Variants in UHRF2 observed in about 807,000 individuals in gnomAD.
UHRF2 encodes the protein ubiquitin like with PHD and ring finger domains 2.
Under a neutral mutation model 96.8 loss-of-function variants are expected in UHRF2, and 23 were observed. The observed-to-expected ratio is 0.24, with a 90% CI of 0.17 to 0.34. UHRF2 has a LOEUF of 0.34. Among genes scored for constraint, UHRF2 ranks in the 10% least tolerant of loss-of-function variants. UHRF2 has a pLI of 1.00. For missense variants in UHRF2, 685 were observed against 981.5 expected, an observed-to-expected ratio of 0.70 and a Z score of 4.04; for synonymous variants, 385 against 332.6, an observed-to-expected ratio of 1.16 and a Z score of -1.72.
At chr9:6,500,886 T>C (rs1480718493) in intron 14 of UHRF2, among the ~76,000 whole-genome samples, 177 bp downstream of exon 14, 2 of 152,202 alleles carry the variant, frequency 1.3e-5, no homozygotes, top group Admixed American at 1.3e-4. Flanking sequence ...TGCGCCTAAA[T>C]TTACTTTAAA....
intron 9 of UHRF2, among the ~76,000 whole-genome samples, chr9:6,493,159 G>A (rs1176540184): frequency 2.0e-5 from 3 of 152,040 alleles, no homozygotes; most frequent in Non-Finnish European, 2.9e-5. Context: ...CTAGACAGGC[G>A]TAGTGGCACA....
At chr9:6,430,607 C>T (rs2130757371) in intron 2 of UHRF2, among the ~76,000 whole-genome samples, 1 of 152,166 alleles carries the variant, frequency 6.6e-6, no homozygotes, top group East Asian at 1.9e-4. Flanking sequence ...TAACTACCTC[C>T]CTTATCTAAC....
chr9:6,442,107 G>T (rs759423382), intron 3 of UHRF2, among the ~76,000 whole-genome samples: 3 of 152,094 alleles, frequency 2.0e-5, no homozygotes, highest in African/African-American at 7.2e-5. Flanking sequence ...TGAGATTACA[G>T]GTGCCTGGCA....
At chr9:6,479,519 A>G (rs989825863) in intron 6 of UHRF2, among the ~76,000 whole-genome samples, 3 of 152,094 alleles carry the variant, frequency 2.0e-5, no homozygotes, top group Non-Finnish European at 4.4e-5. Context: ...CTAGGGAACT[A>G]TGCTTGTTCC....
intron 4 of UHRF2, among the ~76,000 whole-genome samples, chr9:6,461,397 G>T (rs936774793): frequency 2.5e-4 from 23 of 90,840 alleles, no homozygotes; most frequent in African/African-American, 1.1e-3. Context: ...CCTCCCCCCC[G>T]CCCCTTGTTC....
intron 5 of UHRF2, among the ~76,000 whole-genome samples, chr9:6,476,715 C>T (rs921672150): frequency 1.3e-5 from 2 of 152,050 alleles, no homozygotes; most frequent in East Asian, 3.9e-4. Context: ...CTGCCTTAGC[C>T]TCTCGAGTAG....
intron 2 of UHRF2, among the ~76,000 whole-genome samples, chr9:6,421,907 A>C (rs982024254): frequency 5.7e-4 from 86 of 152,140 alleles, no homozygotes; most frequent in African/African-American, 2.1e-3. Context: ...TTTTCTCAGC[A>C]TTGAAAGATT....
At chr9:6,478,130 G>C (rs1052141977) in intron 6 of UHRF2, among the ~76,000 whole-genome samples, 1 of 152,154 alleles carries the variant, frequency 6.6e-6, no homozygotes, top group African/African-American at 2.4e-5. Flanking sequence ...ATATTTAGTT[G>C]CTTCTCCAGC....
chr9:6,454,484 G>A (rs1295676264), intron 3 of UHRF2, among the ~76,000 whole-genome samples: 2 of 152,174 alleles, frequency 1.3e-5, no homozygotes, highest in African/African-American at 2.4e-5. Context: ...CTTTGATTCA[G>A]TATCAAGTAC....
chr9:6,440,619 A>G (rs394137), intron 3 of UHRF2, among the ~76,000 whole-genome samples: 106,791 of 152,136 alleles, frequency 0.7, 39,964 homozygotes, highest in South Asian at 0.82. Context: ...CGCAACTTCT[A>G]TTGAGCTAAA....
Position 6,474,517 on chromosome 9 carries a change from C to G in UHRF2, c.864-874C>G, listed in dbSNP as rs575571662. Among the ~76,000 whole-genome samples, 236 of 152,222 alleles carry G rather than the reference C, an allele frequency of 1.6e-3. 1 individual carries two copies. The highest frequency in any genetic ancestry group is 2.9e-3 in the Non-Finnish European group (199 of 68,014). On this transcript the variant is annotated intron_variant, in intron 4 of 15. Transcript: ENST00000276893. ...GGTCAGGAGTTCGAGACGAGCCCAG[C>G]CAACATGGTGAAACCCTGTCTCTAC...
At chr9:6,445,970 C>CCA (rs942752968) in intron 3 of UHRF2, among the ~76,000 whole-genome samples, 1 of 137,658 alleles carries the variant, frequency 7.3e-6, no homozygotes, top group Non-Finnish European at 1.5e-5. Context: ...TACTCTTCCC[C>CCA]CCCCGCCACC....
At chr9:6,466,846 T>TA (rs1822891063) in intron 4 of UHRF2, among the ~76,000 whole-genome samples, 2 of 152,230 alleles carry the variant, frequency 1.3e-5, no homozygotes, top group African/African-American at 4.8e-5. Context: ...TCATTTGACT[T>TA]ACTCTGTCTC....
chr9:6,451,746 C>A (rs949345273), intron 3 of UHRF2, among the ~76,000 whole-genome samples: 2 of 150,652 alleles, frequency 1.3e-5, no homozygotes, highest in Non-Finnish European at 3.0e-5. Flanking sequence ...GCTGGGATTA[C>A]AGGCGTGAGC....
intron 9 of UHRF2, among the ~76,000 whole-genome samples, chr9:6,492,025 G>A (rs985586154): frequency 4.6e-5 from 7 of 152,102 alleles, no homozygotes; most frequent in African/African-American, 1.4e-4. Context: ...GAATCATTGC[G>A]CCTGGCCTTT....
chr9:6,418,691 G>C (rs1281604867), intron 1 of UHRF2, among the ~76,000 whole-genome samples: 1 of 152,184 alleles, frequency 6.6e-6, no homozygotes, highest in East Asian at 1.9e-4. Context: ...AGTGATAGTT[G>C]TGGCCTGAAA....
chr9:6,481,987 T>G lies in UHRF2; in HGVS notation c.1285-5T>G. ...ATTTCTCAACGTTTGTTTTGCGTCT[T>G]GTAGGGAATGGCTTGTGTTGGTCGT... On this transcript the variant is annotated splice_polypyrimidine_tract_variant and splice_region_variant and intron_variant, in intron 7 of 15. Coordinates refer to ENST00000276893, the MANE Select transcript of UHRF2 (RefSeq NM_152896.3). The G allele has an allele frequency of 6.2e-7, 1 of 1,612,040 alleles. No homozygotes were observed. Among genetic ancestry groups the G allele is most frequent in the South Asian group, 1.1e-5 (1 of 90,240 alleles).
In UHRF2 at chr9:6,506,660, C is replaced by A. The variant is rs1479408062; in HGVS notation, c.*481C>A. On this transcript the variant is annotated 3_prime_UTR_variant, in exon 16 of 16. Transcript: ENST00000276893. ...TGCATATACTTTTTTAACGTCTCTT[C>A]TTCCATTACAATGTGTGTTTTGCAA... The A allele has an allele frequency of 6.5e-6, 1 of 152,798 alleles. No homozygotes were observed. The highest frequency in any genetic ancestry group is 1.5e-5 in the Non-Finnish European group (1 of 68,194). 9.5% of individuals were successfully genotyped at this position (152,798 alleles called of 1,614,324 possible).
At position 6,473,304 on chromosome 9, in the gene UHRF2, A is replaced by G. The variant is rs1258138229; in HGVS notation, c.864-2087A>G. Among the ~76,000 whole-genome samples the G allele has an allele frequency of 3.3e-5, 5 of 152,324 alleles. No homozygotes were observed. In the South Asian group the frequency reaches 8.3e-4, roughly 25 times the overall value. ...TTTAAATCCATGAGTCCATAGTAAC[A>G]CAGTCAGTATGGAAGTTGTTAGAGA... On this transcript the variant is annotated intron_variant, in intron 4 of 15. Coordinates refer to ENST00000276893, the MANE Select transcript of UHRF2 (RefSeq NM_152896.3).
Sources: allele counts gnomAD v4.1 joint callset (sites outside exome capture counted in the v4.1 genomes callset), GRCh38; gene constraint gnomAD v4.1.1; transcripts MANE v1.5; gene names NCBI Gene and HGNC (gene_info 2026-07-23, HGNC 2026-07-21).